MPPED1: variants seen among roughly 807,000 people sequenced by gnomAD.
The protein encoded by MPPED1 is metallophosphoesterase domain containing 1, also known as metallophosphoesterase domain-containing protein 1.
Under a neutral mutation model 36.2 loss-of-function variants are expected in MPPED1, and 16 were observed. The ratio of observed to expected loss-of-function variants is 0.44; its 90% confidence interval spans 0.30 to 0.67. The LOEUF is 0.67. MPPED1 is among the 30% of genes least tolerant of loss of function. The pLI is 0.10. For missense variants in MPPED1, 307 were observed against 453.4 expected, an observed-to-expected ratio of 0.68 and a Z score of 2.93; for synonymous variants, 199 against 191.3, an observed-to-expected ratio of 1.04 and a Z score of -0.33.
intron 3 of MPPED1, among the ~76,000 whole-genome samples, chr22:43,439,767 A>G (rs1270084342): frequency 6.6e-6 from 1 of 151,666 alleles, no homozygotes; most frequent in African/African-American, 2.4e-5. Context: ...CACAAAACAG[A>G]CTCCTCAACT....
intron 3 of MPPED1, among the ~76,000 whole-genome samples, chr22:43,453,963 C>CGT (rs1930663396): frequency 6.6e-6 from 1 of 152,134 alleles, no homozygotes; most frequent in African/African-American, 2.4e-5. Context: ...CTCCCCAGCC[C>CGT]CTGGCATCCA....
intron 4 of MPPED1, among the ~76,000 whole-genome samples, chr22:43,495,275 GTGGTGATGGAGGTGGTGA>G: frequency 6.7e-6 from 1 of 148,302 alleles, no homozygotes; most frequent in Non-Finnish European, 1.5e-5. Flanking sequence ...GGTGGTGGTG[GTGGTGATGGAGGTGGTGA>G]TGGAGGTGAT....
At chr22:43,432,678 GGA>G (rs1330913029) in intron 2 of MPPED1, among the ~76,000 whole-genome samples, 9 of 3,080 alleles carry the variant, frequency 2.9e-3, no homozygotes, top group South Asian at 0.028. Context: ...GAGAAAGGGA[GGA>G]GAGAGAGAGA....
intron 3 of MPPED1, among the ~76,000 whole-genome samples, chr22:43,442,813 C>T (rs935687328): frequency 2.0e-5 from 3 of 152,224 alleles, no homozygotes; most frequent in African/African-American, 7.2e-5. Flanking sequence ...AACTCAGCCC[C>T]TCCTGGCACT....
chr22:43,427,598 A>T (rs1203742004), intron 2 of MPPED1, among the ~76,000 whole-genome samples: 1 of 152,092 alleles, frequency 6.6e-6, no homozygotes, highest in East Asian at 1.9e-4. Context: ...TAACCGAGCA[A>T]CCCAGGGCCA....
At chr22:43,414,326 G>A (rs1167273322) in intron 1 of MPPED1, among the ~76,000 whole-genome samples, 4 of 152,076 alleles carry the variant, frequency 2.6e-5, no homozygotes, top group Non-Finnish European at 4.4e-5. Context: ...CTTTATACAG[G>A]ACACATCTCT....
intron 3 of MPPED1, among the ~76,000 whole-genome samples, chr22:43,440,232 C>T (rs951928258): frequency 9.8e-5 from 15 of 152,364 alleles, no homozygotes; most frequent in East Asian, 1.9e-4. Flanking sequence ...AGGAGGGCAG[C>T]GCTGTGACAC....
At position 43,471,948 on chromosome 22, in the gene MPPED1, C is replaced by T. The variant is rs988501699; in HGVS notation, c.407-2788C>T. On this transcript the variant is annotated intron_variant, in intron 3 of 6. Coordinates refer to ENST00000443721, the MANE Select transcript of MPPED1 (RefSeq NM_001044370.2). ...CATCCCAGCAGCCTGACTGGAAGAACCTCGGGCCAGGGCCAGGCTGTTCCC... is the reference window on the plus strand; with the variant it reads ...CATCCCAGCAGCCTGACTGGAAGAATCTCGGGCCAGGGCCAGGCTGTTCCC... Among the ~76,000 whole-genome samples, 6 of 144,156 alleles carry T rather than the reference C, an allele frequency of 4.2e-5. No individual in the cohort carries two copies. The South Asian group carries it at 1.0e-3, about 25-fold the overall frequency. The allele number at this position is 144,156 out of a possible 152,430, so 94.6% of individuals were successfully genotyped here.
At position 43,505,893 on chromosome 22, in the gene MPPED1, T is replaced by C. The variant is rs1219512407; in HGVS notation, c.*277T>C. The stretch of plus-strand genomic sequence containing the variant: ...ACCTACTAAGCTCATGGCCCTGTCA[T>C]GTTTGGGAAATGACTAAATCTTCAT... On this transcript the variant is annotated 3_prime_UTR_variant, in exon 7 of 7. Coordinates refer to ENST00000443721, the MANE Select transcript of MPPED1 (RefSeq NM_001044370.2). The C allele has an allele frequency of 5.4e-6, 2 of 369,100 alleles. No individual in the cohort carries two copies. Among genetic ancestry groups the C allele is most frequent in the Non-Finnish European group, 9.8e-6 (2 of 204,608 alleles). The allele number at this position is 369,100 out of a possible 1,614,324, so 22.9% of individuals were successfully genotyped here. A position where few individuals can be genotyped will look rare whatever the true frequency, so the allele number is the denominator to read the frequency against.
rs746721353 is a variant in MPPED1, at chr22:43,502,601, G to T, written c.749-43G>T. 6 of 1,535,060 alleles carry T rather than the reference G, an allele frequency of 3.9e-6. No homozygotes were observed. In the East Asian group the frequency reaches 1.1e-4, roughly 29 times the overall value. On this transcript the variant is annotated intron_variant, in intron 5 of 6. Transcript: ENST00000443721. This position sits in a 1 kb window ranked among gnomAD's most constrained non-coding sequence, Gnocchi z 5.5. ...CTAGGCGTGGGGCAGTGAGGGGCTG[G>T]GACAGACCGCGTCATGGCCTCCTGT...
chr22:43,475,547 A>ATGG (rs1931527893), intron 4 of MPPED1, among the ~76,000 whole-genome samples: 1 of 56,280 alleles, frequency 1.8e-5, no homozygotes, highest in South Asian at 8.9e-4. Flanking sequence ...TGGTGATGTG[A>ATGG]TGGTGATGGT....
intron 1 of MPPED1, chr22:43,418,283 GA>G (rs1257570511): frequency 2.6e-6 from 1 of 391,918 alleles, no homozygotes; most frequent in African/African-American, 2.1e-5. Flanking sequence ...CTGAGTTTGA[GA>G]GGCCTGTGTT....
intron 2 of MPPED1, among the ~76,000 whole-genome samples, chr22:43,432,869 GAGAGAGAGGGAAAGAGAAAGGGAGGA>G: frequency 4.6e-5 from 4 of 87,510 alleles, no homozygotes; most frequent in Admixed American, 2.8e-4. Context: ...AAAGGGAGGA[GAGAGAGAGGGAAAGAGAAAGGGAGGA>G]GAGAGAGAGG....
chr22:43,443,223 C>G (rs553418883), intron 3 of MPPED1, among the ~76,000 whole-genome samples: 1 of 152,172 alleles, frequency 6.6e-6, no homozygotes. Context: ...ACAGTGGAGG[C>G]CTGTGGGCCT....
chr22:43,414,331 A>G (rs1929004895), intron 1 of MPPED1, among the ~76,000 whole-genome samples: 1 of 151,920 alleles, frequency 6.6e-6, no homozygotes, highest in Admixed American at 6.6e-5. Context: ...TACAGGACAC[A>G]TCTCTCTCTG....
chr22:43,432,854 G>GAGAGAGGGAA (rs1929797618), intron 2 of MPPED1, among the ~76,000 whole-genome samples: 1 of 116,650 alleles, frequency 8.6e-6, no homozygotes, highest in African/African-American at 3.0e-5. Context: ...AGGGAGGAGA[G>GAGAGAGGGAA]AGAGAAAGGG....
At chr22:43,491,592 GTGGTGATGGTGGTGT>G (rs1293510031) in intron 4 of MPPED1, among the ~76,000 whole-genome samples, 2 of 149,106 alleles carry the variant, frequency 1.3e-5, no homozygotes, top group African/African-American at 5.0e-5. Flanking sequence ...GATGATGGTG[GTGGTGATGGTGGTGT>G]TGGTGATGGA....
chr22:43,487,142 C>G (rs554288252), intron 4 of MPPED1, among the ~76,000 whole-genome samples: 3 of 152,186 alleles, frequency 2.0e-5, no homozygotes, highest in Admixed American at 2.0e-4. Flanking sequence ...CCGGCCTGGG[C>G]AGGAGGGGTT....
chr22:43,424,879 T>C (rs1346282464), intron 1 of MPPED1, 29 bp from the exon 2 acceptor site: 3 of 1,493,072 alleles, frequency 2.0e-6, no homozygotes, highest in Non-Finnish European at 2.7e-6. Context: ...ACAGATTAAC[T>C]GTCGCACGGT....
Sources: gnomAD v4.1 joint callset for allele counts (sites outside exome capture counted in the v4.1 genomes callset) on GRCh38, gnomAD v4.1.1 for gene constraint, Gnocchi (gnomAD v3.1) non-coding constraint, MANE v1.5 for transcripts, NCBI Gene and HGNC (gene_info 2026-07-23, HGNC 2026-07-21) for gene names.